Variants in NLGN1 observed in about 807,000 individuals in gnomAD.
The protein encoded by NLGN1 is neuroligin-1.
Under a neutral mutation model 65.5 loss-of-function variants are expected in NLGN1, and 12 were observed. The observed-to-expected ratio is 0.18, with a 90% CI of 0.12 to 0.30. The LOEUF is 0.30. NLGN1 is among the 10% of genes least tolerant of loss of function. The probability of loss-of-function intolerance (pLI) is 1.00; values close to 1 mark genes in which losing one functional copy is unlikely to be tolerated. For synonymous variants in NLGN1, 350 were observed against 359.5 expected, an observed-to-expected ratio of 0.97 and a Z score of 0.30; for missense variants, 750 against 1,007.1, an observed-to-expected ratio of 0.74 and a Z score of 3.46.
At chr3:174,115,934 CA>C (rs1178261333) in intron 4 of NLGN1, among the ~76,000 whole-genome samples, 7 of 152,098 alleles carry the variant, frequency 4.6e-5, no homozygotes, top group African/African-American at 1.7e-4. Flanking sequence ...GAGGGCATCC[CA>C]AAATATATTC....
chr3:173,932,188 A>AT (rs967895209), intron 4 of NLGN1, among the ~76,000 whole-genome samples: 9 of 151,524 alleles, frequency 5.9e-5, no homozygotes, highest in African/African-American at 1.7e-4. Flanking sequence ...CTATTTGGTT[A>AT]TTTTTTTCAG....
chr3:173,775,126 CAA>C (rs1332831509), intron 3 of NLGN1, among the ~76,000 whole-genome samples: 1 of 151,986 alleles, frequency 6.6e-6, no homozygotes, highest in Non-Finnish European at 1.5e-5. Flanking sequence ...TTAGTACAAT[CAA>C]ATATGCTTCT....
intron 4 of NLGN1, among the ~76,000 whole-genome samples, chr3:174,014,547 C>T (rs952068060): frequency 6.6e-6 from 1 of 152,126 alleles, no homozygotes; most frequent in African/African-American, 2.4e-5. Context: ...TGCTTATTAC[C>T]ATCTTCCCAT....
At chr3:173,819,867 A>C (rs1719869579) in intron 4 of NLGN1, among the ~76,000 whole-genome samples, 1 of 152,234 alleles carries the variant, frequency 6.6e-6, no homozygotes, top group Non-Finnish European at 1.5e-5. Flanking sequence ...CAGGATATGC[A>C]TTTCTAGGAA....
chr3:173,594,470 C>G (rs1749100780), intron 2 of NLGN1, among the ~76,000 whole-genome samples: 1 of 152,078 alleles, frequency 6.6e-6, no homozygotes, highest in Non-Finnish European at 1.5e-5. Context: ...GGCAGCTCTA[C>G]CCCTGTGGCT....
At chr3:173,571,016 T>G (rs367664861) in intron 2 of NLGN1, among the ~76,000 whole-genome samples, 40 of 152,286 alleles carry the variant, frequency 2.6e-4, no homozygotes, top group African/African-American at 8.7e-4. Flanking sequence ...AATTTATTAT[T>G]TTTGGAAAAC....
chr3:174,239,596 T>C (rs1742417850), intron 4 of NLGN1, among the ~76,000 whole-genome samples: 1 of 152,222 alleles, frequency 6.6e-6, no homozygotes. Flanking sequence ...TAATGTTTCC[T>C]TTTGTATTAA....
chr3:174,209,571 A>G (rs989873635), intron 4 of NLGN1, among the ~76,000 whole-genome samples: 2 of 149,024 alleles, frequency 1.3e-5, no homozygotes, highest in African/African-American at 2.5e-5. Context: ...GATGCTGTTC[A>G]CCACATTGGT....
At chr3:174,077,781 C>G (rs1261965064) in intron 4 of NLGN1, among the ~76,000 whole-genome samples, 7 of 152,104 alleles carry the variant, frequency 4.6e-5, no homozygotes, top group African/African-American at 1.4e-4. Context: ...GTCTCGAACT[C>G]CTGACCTCAT....
intron 3 of NLGN1, among the ~76,000 whole-genome samples, chr3:173,700,089 G>A (rs1488913660): frequency 6.6e-6 from 1 of 152,166 alleles, no homozygotes; most frequent in Non-Finnish European, 1.5e-5. Context: ...TAAGATACGG[G>A]CAATGGAGTA....
At position 174,275,507 on chromosome 3, in the gene NLGN1, G is replaced by A. The variant is rs143069241; in HGVS notation, c.839G>A (p.Arg280His). ...TTATCCCATTATTCTGAAGGTAACC[G>A]TTGGAGCAATTCAACCAAAGGTATT... is the stretch of plus-strand genomic sequence containing the variant. Residue 280 changes from arginine to histidine, a missense_variant, in exon 5 of 7, where the codon CGT becomes CAT. Physicochemically the swap from Arg to His is conservative, Grantham distance 29 (BLOSUM62 0). Transcript: ENST00000457714. The A allele has an allele frequency of 1.2e-5, 19 of 1,611,730 alleles. No homozygotes were observed. Among genetic ancestry groups the A allele is most frequent in the African/African-American group, 5.3e-5 (4 of 74,792 alleles).
chr3:173,495,680 G>GGA (rs374002096), intron 2 of NLGN1, among the ~76,000 whole-genome samples: 2 of 130,332 alleles, frequency 1.5e-5, no homozygotes, highest in African/African-American at 3.0e-5. Flanking sequence ...AGTCTTTTTT[G>GGA]AAAAAAAAAA....
intron 3 of NLGN1, among the ~76,000 whole-genome samples, chr3:173,724,906 A>G (rs1345681594): frequency 6.6e-6 from 1 of 152,114 alleles, no homozygotes; most frequent in Non-Finnish European, 1.5e-5. Context: ...AGCTGAAACC[A>G]TCATTCTCAG....
chr3:173,754,391 G>T (rs1219592668), intron 3 of NLGN1, among the ~76,000 whole-genome samples: 1 of 151,996 alleles, frequency 6.6e-6, no homozygotes, highest in African/African-American at 2.4e-5. Flanking sequence ...TTCTCTAACT[G>T]TACTACATGA....
chr3:173,852,355 C>CAA lies in NLGN1; in HGVS notation c.646+44555_646+44556dup, dbSNP rs71162367. Among the ~76,000 whole-genome samples, 96 of 46,648 alleles carry CAA rather than the reference C, an allele frequency of 2.1e-3. 5 individuals carry two copies. The highest frequency in any genetic ancestry group is 2.5e-3 in the Non-Finnish European group (70 of 27,960). The allele number at this position is 46,648 out of a possible 152,430, so 30.6% of individuals were successfully genotyped here. A position where few individuals can be genotyped will look rare whatever the true frequency, so the allele number is the denominator to read the frequency against. ...TGGGCAACAGAGCGAGACTCCGTCT[C>CAA]AAAAAAAAAAAAAAAAAAAAAAAAA... is the stretch of plus-strand genomic sequence containing the variant. On this transcript the variant is annotated intron_variant, in intron 4 of 6. Transcript: ENST00000457714.
At chr3:173,452,485 T>C (rs1721775567) in intron 2 of NLGN1, among the ~76,000 whole-genome samples, 2 of 152,182 alleles carry the variant, frequency 1.3e-5, no homozygotes, top group South Asian at 4.1e-4. Flanking sequence ...GTGCCTGGCC[T>C]AATTTTCTTG....
rs547488501 is a variant in NLGN1 at position 173,446,399 on chromosome 3, C to T, written c.-321+11321C>T. On this transcript the variant is annotated intron_variant, in intron 2 of 6. Coordinates refer to ENST00000457714, the Ensembl canonical transcript of NLGN1. ...GTCCCTACAAAGGACATGAACTCAT[C>T]ATTTTTTATGGCTGCGTAGTATTCC... Among the ~76,000 whole-genome samples the T allele has an allele frequency of 3.3e-5, 5 of 152,296 alleles. No homozygotes were observed. The East Asian group carries it at 9.6e-4, about 29-fold the overall frequency.
At chr3:174,234,239 T>TAC (rs1471948045) in intron 4 of NLGN1, among the ~76,000 whole-genome samples, 1 of 152,148 alleles carries the variant, frequency 6.6e-6, no homozygotes, top group East Asian at 1.9e-4. Flanking sequence ...GGAAGCAGGG[T>TAC]ACACTTGGTC....
chr3:173,522,563 T>G (rs1197349630), intron 2 of NLGN1, among the ~76,000 whole-genome samples: 2 of 151,872 alleles, frequency 1.3e-5, no homozygotes, highest in Non-Finnish European at 2.9e-5. Context: ...CCCAAGTAGC[T>G]GGAACTACAG....
Sources: allele counts gnomAD v4.1 joint callset (sites outside exome capture counted in the v4.1 genomes callset), GRCh38; gene constraint gnomAD v4.1.1; transcripts MANE v1.5; gene names NCBI Gene and HGNC (gene_info 2026-07-23, HGNC 2026-07-21).